ITGA1: variants seen among roughly 807,000 people sequenced by gnomAD.
ITGA1 encodes the protein integrin subunit alpha 1, also known as integrin alpha-1.
Under a neutral mutation model 145.9 loss-of-function variants are expected in ITGA1, and 85 were observed. The observed-to-expected ratio is 0.58, with a 90% CI of 0.49 to 0.70. The LOEUF (loss-of-function observed/expected upper bound fraction) is 0.70, where lower values mean the gene tolerates loss of function less well. Ranked by LOEUF, ITGA1 falls within the 30% of genes least tolerant of loss-of-function variation. The pLI, the probability that ITGA1 is intolerant of heterozygous loss-of-function variation, is 0.00. For missense variants in ITGA1, 1,351 were observed against 1,418.7 expected, an observed-to-expected ratio of 0.95 and a Z score of 0.77; for synonymous variants, 520 against 495.3, an observed-to-expected ratio of 1.05 and a Z score of -0.66.
At chr5:52,796,742 T>C (rs1234645258) in intron 1 of ITGA1, among the ~76,000 whole-genome samples, 3 of 152,086 alleles carry the variant, frequency 2.0e-5, no homozygotes, top group Non-Finnish European at 2.9e-5. Context: ...CAAAGGAGTA[T>C]AAAGATAAAT....
In ITGA1 at chr5:52,932,028, T is replaced by C; in HGVS notation, c.2772-19T>C. The C allele has an allele frequency of 1.4e-6, 2 of 1,426,912 alleles. No individual in the cohort carries two copies. The highest frequency in any genetic ancestry group is 2.0e-6 in the Non-Finnish European group (2 of 1,011,104). 88.4% of individuals were successfully genotyped at this position (1,426,912 alleles called of 1,614,324 possible). ...TCAAGATTTTAATGGTTTGTCTGAA[T>C]GTGCCGTGTATTTTCTAGTGACAGC... On this transcript the variant is annotated intron_variant, in intron 21 of 28. Transcript: ENST00000282588.
chr5:52,801,936 T>G, intron 1 of ITGA1: 1 of 853,554 alleles, frequency 1.2e-6, no homozygotes, highest in Non-Finnish European at 1.8e-6. Flanking sequence ...AGAATGGCAC[T>G]TTTTGATTCA....
chr5:52,909,071 A>G (rs1292059472), intron 13 of ITGA1, 30 bp downstream of exon 13: 1 of 1,587,366 alleles, frequency 6.3e-7, no homozygotes, highest in Non-Finnish European at 8.5e-7. Flanking sequence ...GTAGAAATCC[A>G]GGAAAATCTC....
rs547086576 is a variant in ITGA1, at chr5:52,952,554, A to T, written c.*103A>T. The T allele has an allele frequency of 4.1e-6, 2 of 490,396 alleles. No individual in the cohort carries two copies. Among genetic ancestry groups the T allele is most frequent in the Non-Finnish European group, 7.2e-6 (2 of 276,248 alleles). 30.4% of individuals were successfully genotyped at this position (490,396 alleles called of 1,614,324 possible). ...GTATAATTCATGACATAGTCATGTA[A>T]CTATGTAATCCATCAGGGATTCATT... On this transcript the variant is annotated 3_prime_UTR_variant, in exon 29 of 29. Coordinates refer to ENST00000282588, the MANE Select transcript of ITGA1 (RefSeq NM_181501.2).
In ITGA1 at chr5:52,954,700, CAG is replaced by C. The variant is rs908485995; in HGVS notation, c.*2252_*2253del. ...AAAATAGCTCTATAACACCAAAAAA[CAG>C]AGTTTACAGAAAATAAACACAAAAG... On this transcript the variant is annotated 3_prime_UTR_variant, in exon 29 of 29. Transcript: ENST00000282588. The C allele has an allele frequency of 3.9e-5, 6 of 151,936 alleles. No individual in the cohort carries two copies. Among genetic ancestry groups the C allele is most frequent in the Non-Finnish European group, 2.9e-5 (2 of 67,962 alleles). 9.4% of individuals were successfully genotyped at this position (151,936 alleles called of 1,614,324 possible).
At position 52,897,442 on chromosome 5, in the gene ITGA1, T is replaced by C. The variant is rs762046963; in HGVS notation, c.1091-13T>C. On this transcript the variant is annotated splice_polypyrimidine_tract_variant and intron_variant, in intron 9 of 28. Transcript: ENST00000282588. ...TTGTTACTTATTTACAGTGATATTT[T>C]CCTATGTTATAGCCACAGCTGACCA... 3.0e-5 allele frequency: 48 copies of C among 1,586,370 alleles called. No homozygotes were observed. The highest frequency in any genetic ancestry group is 3.3e-4 in the Middle Eastern group (2 of 6,022).
chr5:52,865,666 G>GA, intron 5 of ITGA1, 24 bp from the exon 6 acceptor site: 1 of 1,483,178 alleles, frequency 6.7e-7, no homozygotes, highest in Non-Finnish European at 8.9e-7. Flanking sequence ...TTCCAAATTT[G>GA]ACAATTGACT....
At chr5:52,800,456 A>G (rs767825694) in intron 1 of ITGA1, 4 of 1,614,000 alleles carry the variant, frequency 2.5e-6, no homozygotes, top group Non-Finnish European at 3.4e-6. Context: ...CTGGTCCCCG[A>G]GGAGCCTGAG....
At chr5:52,883,700 T>C (rs1028125036) in intron 7 of ITGA1, among the ~76,000 whole-genome samples, 9 of 152,218 alleles carry the variant, frequency 5.9e-5, no homozygotes, top group Non-Finnish European at 1.0e-4. Flanking sequence ...TATTTAATCA[T>C]GAGGCCTGGA....
chr5:52,814,199 T>G (rs1198101260), intron 1 of ITGA1, among the ~76,000 whole-genome samples: 2 of 152,188 alleles, frequency 1.3e-5, no homozygotes, highest in Non-Finnish European at 2.9e-5. Context: ...CAGGCTGGAG[T>G]GCAGTGGCGC....
intron 20 of ITGA1, 68 bp downstream of exon 20, chr5:52,927,732 A>C: frequency 9.8e-7 from 1 of 1,020,260 alleles, no homozygotes; most frequent in Non-Finnish European, 1.5e-6. Flanking sequence ...AGACAAATAT[A>C]TAAATCCTTC....
intron 1 of ITGA1, chr5:52,801,805 G>T: frequency 6.2e-7 from 1 of 1,612,220 alleles, no homozygotes; most frequent in South Asian, 1.1e-5. Context: ...CGAACTTTCT[G>T]ACCAAGAGGG....
chr5:52,806,418 A>G (rs1039224710), intron 1 of ITGA1, among the ~76,000 whole-genome samples: 2 of 152,068 alleles, frequency 1.3e-5, no homozygotes, highest in African/African-American at 2.4e-5. Flanking sequence ...ATGGTCATCA[A>G]GTAGTAAACT....
At chr5:52,799,699 G>T (rs903940421) in intron 1 of ITGA1, among the ~76,000 whole-genome samples, 1 of 152,242 alleles carries the variant, frequency 6.6e-6, no homozygotes, top group Non-Finnish European at 1.5e-5. Context: ...TGTAGCGTCC[G>T]AGTGCGGATA....
intron 17 of ITGA1, among the ~76,000 whole-genome samples, chr5:52,922,502 A>G (rs1236603475): frequency 1.3e-5 from 2 of 152,170 alleles, no homozygotes; most frequent in East Asian, 3.8e-4. Context: ...TGACACAGCC[A>G]AGTGTGATGT....
rs757078791 is a variant in ITGA1, at chr5:52,947,456, T to C, written c.3490T>C (p.Trp1164Arg). The change falls in exon 28 of 29, where the codon TGG becomes CGG. Residue 1164 changes from tryptophan (W) to arginine (R), a missense_variant. Trp to Arg is a moderately radical substitution (Grantham distance 101, BLOSUM62 -3). Coordinates refer to ENST00000282588, the MANE Select transcript of ITGA1 (RefSeq NM_181501.2). ...LLLMLLILALWKIGFFKRPLK... is the reference protein window; with the variant it reads ...LLLMLLILALRKIGFFKRPLK... ...GTTAATGCTGCTCATTTTAGCACTGTGGAAGGTAAACACCAAAATTCCTTT... is the reference window on the plus strand; with the variant it reads ...GTTAATGCTGCTCATTTTAGCACTGCGGAAGGTAAACACCAAAATTCCTTT... 1.2e-5 allele frequency: 19 copies of C among 1,606,928 alleles called. No homozygotes were observed. The Admixed American group carries it at 2.7e-4, about 23-fold the overall frequency.
intron 1 of ITGA1, among the ~76,000 whole-genome samples, chr5:52,848,989 T>C (rs1170320934): frequency 6.6e-6 from 1 of 152,172 alleles, no homozygotes; most frequent in African/African-American, 2.4e-5. Context: ...GATGGACATT[T>C]GGGTTGGTTC....
intron 2 of ITGA1, among the ~76,000 whole-genome samples, chr5:52,855,805 A>C (rs945567452): frequency 1.3e-5 from 2 of 152,208 alleles, no homozygotes; most frequent in African/African-American, 4.8e-5. Flanking sequence ...AGATACACGT[A>C]CTTTCAAGCT....
chr5:52,904,502 T>C (rs1270604146), intron 11 of ITGA1: 1 of 150,998 alleles, frequency 6.6e-6, no homozygotes, highest in Non-Finnish European at 1.5e-5. Context: ...TATATGCAAA[T>C]AAAATCAAAA....
Sources: gnomAD v4.1 joint callset for allele counts (sites outside exome capture counted in the v4.1 genomes callset) on GRCh38, gnomAD v4.1.1 for gene constraint, MANE v1.5 for transcripts, NCBI Gene and HGNC (gene_info 2026-07-23, HGNC 2026-07-21) for gene names.